Variants in EIF4E3 observed in about 807,000 individuals in gnomAD.
EIF4E3 encodes the protein eukaryotic translation initiation factor 4E family member 3, also known as eukaryotic translation initiation factor 4E type 3.
Under a neutral mutation model 31.7 loss-of-function variants are expected in EIF4E3, and 26 were observed. That is an observed-to-expected ratio of 0.82 (90% CI 0.60 to 1.14). EIF4E3 has a LOEUF of 1.14. EIF4E3 is among the 50% of genes most tolerant of loss of function. The pLI is 0.00. For missense variants in EIF4E3, 304 were observed against 270.9 expected (o/e 1.12, Z -0.86); for synonymous variants, 128 against 107.7 (o/e 1.19, Z -1.17).
At chr3:71,670,203 A>T in the EIF4E3 span, among the ~76,000 whole-genome samples, 2 of 152,204 alleles carry the variant, frequency 1.3e-5, no homozygotes, top group African/African-American at 4.8e-5. Context: ...AAAGTCTTCC[A>T]GGTGTTGGAG....
intron 5 of EIF4E3, among the ~76,000 whole-genome samples, chr3:71,693,541 G>T (rs1316774091): frequency 1.3e-5 from 2 of 152,102 alleles, no homozygotes; most frequent in Non-Finnish European, 2.9e-5. Context: ...TGTGTTAAGG[G>T]CCCAGTTAAT....
chr3:71,745,293 G>A (rs1297337828), intron 1 of EIF4E3, among the ~76,000 whole-genome samples: 2 of 152,096 alleles, frequency 1.3e-5, no homozygotes, highest in African/African-American at 4.8e-5. Flanking sequence ...GTATATAGAG[G>A]GTGGGCATTT....
upstream of EIF4E3, chr3:71,753,972 GC>G: frequency 9.6e-7 from 1 of 1,039,596 alleles, no homozygotes; most frequent in East Asian, 8.0e-5. Flanking sequence ...GAGCGGCGGA[GC>G]TCGGGCCGGG....
At chr3:71,708,610 C>A (rs563642966) in intron 2 of EIF4E3, among the ~76,000 whole-genome samples, 3 of 152,066 alleles carry the variant, frequency 2.0e-5, no homozygotes, top group African/African-American at 4.8e-5. Flanking sequence ...CAAGCCAATC[C>A]CCTCATCTGA....
At chr3:71,730,741 T>G (rs1458399888) in intron 1 of EIF4E3, among the ~76,000 whole-genome samples, 2 of 151,864 alleles carry the variant, frequency 1.3e-5, no homozygotes, top group African/African-American at 4.8e-5. Context: ...ATTGTTGTTG[T>G]TTTTTTTGAG....
chr3:71,689,966 GAT>G (rs1232211434), intron 6 of EIF4E3, 42 bp downstream of exon 6: 2 of 1,508,010 alleles, frequency 1.3e-6, no homozygotes, highest in Admixed American at 4.1e-5. Context: ...TTAAAAGTAT[GAT>G]AGAGTAAGCT....
chr3:71,725,800 G>C (rs1007971264), upstream of EIF4E3, among the ~76,000 whole-genome samples: 2 of 152,124 alleles, frequency 1.3e-5, no homozygotes, highest in Non-Finnish European at 2.9e-5. This position sits in a 1 kb window ranked among gnomAD's most constrained non-coding sequence, Gnocchi z 6.1. Flanking sequence ...GGATGGGACA[G>C]GGGATGGAGC....
intron 1 of EIF4E3, among the ~76,000 whole-genome samples, chr3:71,731,227 C>T (rs1246419641): frequency 1.3e-5 from 2 of 152,164 alleles, no homozygotes; most frequent in Non-Finnish European, 2.9e-5. Flanking sequence ...AGAAAAAAAC[C>T]CAGACTCTTT....
Position 71,716,043 on chromosome 3 carries a change from G to A in EIF4E3, c.177-5559C>T, listed in dbSNP as rs1421278160. ...AGCACATCTTGTGTCATATCCCTCC[G>A]TGGGCCCACCTACTGTTTCTGCCTG... On this transcript the variant is annotated intron_variant, in intron 1 of 6. Transcript: ENST00000425534. 3.9e-5 allele frequency among the ~76,000 whole-genome samples: 6 copies of A among 152,188 alleles called. 1 individual carries two copies. In the South Asian group the frequency reaches 6.2e-4, roughly 16 times the overall value.
intron 1 of EIF4E3, among the ~76,000 whole-genome samples, chr3:71,753,161 T>G (rs550097967): frequency 3.3e-5 from 5 of 152,298 alleles, no homozygotes; most frequent in African/African-American, 1.2e-4. Flanking sequence ...TCCAAGCCTC[T>G]GCTTCCTGAG....
At chr3:71,665,471 C>T in the EIF4E3 span, among the ~76,000 whole-genome samples, 3 of 152,198 alleles carry the variant, frequency 2.0e-5, no homozygotes, top group African/African-American at 7.2e-5. Context: ...ATTTCTACAA[C>T]CAACTATTAA....
rs946303298 is a variant in EIF4E3, at chr3:71,725,145, C to A, written c.176+47G>T. ...CGCCGAGACAAAGCGGCGGTGGCGG[C>A]AGGACCCGGGTCGGGGCCGTGCGCG... is the stretch of plus-strand genomic sequence containing the variant. On this transcript the variant is annotated intron_variant, in intron 1 of 6. Coordinates refer to ENST00000425534, the MANE Select transcript of EIF4E3 (RefSeq NM_001134651.2). This position sits in a 1 kb window ranked among gnomAD's most constrained non-coding sequence, Gnocchi z 6.1. 2 of 1,036,974 alleles carry A rather than the reference C, an allele frequency of 1.9e-6. No individual in the cohort carries two copies. The highest frequency in any genetic ancestry group is 3.5e-5 in the African/African-American group (2 of 57,744). The allele number at this position is 1,036,974 out of a possible 1,614,324, so 64.2% of individuals were successfully genotyped here.
upstream of EIF4E3, chr3:71,754,141 T>C: frequency 6.9e-7 from 1 of 1,456,042 alleles, no homozygotes; most frequent in Non-Finnish European, 9.1e-7. The surrounding 1 kb of genome is among the most constrained non-coding windows in gnomAD (Gnocchi z 5.8). Flanking sequence ...CTGCTGTGCG[T>C]GAGCCTAGCG....
chr3:71,698,408 T>A (rs1414460912), intron 3 of EIF4E3, among the ~76,000 whole-genome samples: 2 of 152,182 alleles, frequency 1.3e-5, no homozygotes, highest in Non-Finnish European at 2.9e-5. Context: ...CAACCATGTA[T>A]CAAGGCCTCA....
In EIF4E3 at chr3:71,682,702, A is replaced by G. The variant is rs1489453035; in HGVS notation, c.*1980T>C. The stretch of plus-strand genomic sequence containing the variant: ...TGTGTGCTAGTCATGTTCCATGATC[A>G]TAAACAGAAACTAGAAATATTAACG... On this transcript the variant is annotated 3_prime_UTR_variant, in exon 7 of 7. Transcript: ENST00000425534. The G allele has an allele frequency of 1.3e-5, 2 of 152,680 alleles. No homozygotes were observed. Among genetic ancestry groups the G allele is most frequent in the Non-Finnish European group, 2.9e-5 (2 of 68,042 alleles). 9.5% of individuals were successfully genotyped at this position (152,680 alleles called of 1,614,324 possible).
intron 1 of EIF4E3, among the ~76,000 whole-genome samples, chr3:71,752,166 C>A (rs776052400): frequency 6.6e-6 from 1 of 152,132 alleles, no homozygotes; most frequent in Non-Finnish European, 1.5e-5. Flanking sequence ...GGTCAGCAGA[C>A]CAACAGCATT....
At chr3:71,702,516 C>T (rs182195185) in intron 2 of EIF4E3, among the ~76,000 whole-genome samples, 1 of 152,242 alleles carries the variant, frequency 6.6e-6, no homozygotes, top group East Asian at 1.9e-4. Context: ...CACTAAAGAT[C>T]ATGCTAAGGA....
upstream of EIF4E3, among the ~76,000 whole-genome samples, chr3:71,730,085 A>C (rs1051108488): frequency 2.0e-5 from 3 of 152,198 alleles, no homozygotes; most frequent in Non-Finnish European, 4.4e-5. Context: ...GGCCTGGGGC[A>C]GAGGCCCTCA....
chr3:71,664,246 C>T, the EIF4E3 span, among the ~76,000 whole-genome samples: 1 of 152,138 alleles, frequency 6.6e-6, no homozygotes, highest in East Asian at 1.9e-4. Flanking sequence ...CACACAAAAC[C>T]AGGGCAGAAT....
Sources: allele counts gnomAD v4.1 joint callset (sites outside exome capture counted in the v4.1 genomes callset), GRCh38; gene constraint gnomAD v4.1.1; non-coding constraint Gnocchi (gnomAD v3.1); transcripts MANE v1.5; gene names NCBI Gene and HGNC (gene_info 2026-07-23, HGNC 2026-07-21).